The following SLC4A10 variants were observed in gnomAD, a reference collection of about 807,000 sequenced individuals.
SLC4A10 encodes the protein solute carrier family 4 member 10.
Under a neutral mutation model 137.7 loss-of-function variants are expected in SLC4A10, and 42 were observed. That is an observed-to-expected ratio of 0.30 (90% CI 0.24 to 0.39). SLC4A10 has a LOEUF of 0.39. SLC4A10 is among the 10% of genes least tolerant of loss of function. The probability of loss-of-function intolerance (pLI) is 1.00; values close to 1 mark genes in which losing one functional copy is unlikely to be tolerated. For synonymous variants in SLC4A10, 474 were observed against 464.1 expected, an observed-to-expected ratio of 1.02 and a Z score of -0.27; for missense variants, 925 against 1,355.0, an observed-to-expected ratio of 0.68 and a Z score of 4.98.
Position 161,855,103 on chromosome 2 carries a change from C to T in SLC4A10, c.550C>T (p.His184Tyr). The change falls in exon 5 of 27, where the codon CAT becomes TAT. Residue 184 changes from histidine (H) to tyrosine (Y), a missense_variant. By Grantham distance (83) the His-to-Tyr change is moderately conservative. Around this residue, in one of 11 missense-constraint regions of SLC4A10, gnomAD observed 277 missense variants for 306.1 expected, o/e 0.90. Transcript: ENST00000446997. ...GAATGGAACTGTGTTGCTGGACATG[C>T]ATGCCAACACTTTAGAAGAAATTGC... ...ILNGTVLLDM[H>Y]ANTLEEIADM... 1 of 1,610,678 alleles carries T rather than the reference C, an allele frequency of 6.2e-7. No homozygotes were observed. Among genetic ancestry groups the T allele is most frequent in the South Asian group, 1.1e-5 (1 of 90,442 alleles).
intron 10 of SLC4A10, among the ~76,000 whole-genome samples, chr2:161,891,884 T>C (rs980482650): frequency 6.6e-6 from 1 of 151,998 alleles, no homozygotes; most frequent in Admixed American, 6.6e-5. Flanking sequence ...GCATTCTGGT[T>C]TTTGGAATTT....
At chr2:161,664,433 A>G (rs1448741113) in intron 1 of SLC4A10, among the ~76,000 whole-genome samples, 1 of 152,010 alleles carries the variant, frequency 6.6e-6, no homozygotes, top group Non-Finnish European at 1.5e-5. Flanking sequence ...AATGGTTTTT[A>G]GAATTTGTAA....
At chr2:161,697,452 G>A (rs2042649330) in intron 1 of SLC4A10, among the ~76,000 whole-genome samples, 1 of 152,020 alleles carries the variant, frequency 6.6e-6, no homozygotes, top group Non-Finnish European at 1.5e-5. Flanking sequence ...TAACATGTAA[G>A]TCTTTAATCC....
At chr2:161,660,493 A>G (rs903004467) in intron 1 of SLC4A10, among the ~76,000 whole-genome samples, 3 of 152,218 alleles carry the variant, frequency 2.0e-5, no homozygotes, top group South Asian at 2.1e-4. Flanking sequence ...CCAAAAAATC[A>G]TATATCCTTT....
At chr2:161,664,086 A>G (rs953400331) in intron 1 of SLC4A10, among the ~76,000 whole-genome samples, 4 of 151,990 alleles carry the variant, frequency 2.6e-5, no homozygotes, top group African/African-American at 7.2e-5. Context: ...TATTTTTAAT[A>G]GTGGCTGTGG....
chr2:161,690,798 G>C (rs988978880), intron 1 of SLC4A10, among the ~76,000 whole-genome samples: 3 of 152,084 alleles, frequency 2.0e-5, no homozygotes, highest in African/African-American at 7.2e-5. Context: ...GCAGGGTGTT[G>C]GAGGAGGGAC....
At chr2:161,702,916 T>C (rs1515185) in intron 1 of SLC4A10, among the ~76,000 whole-genome samples, 123,518 of 151,670 alleles carry the variant, frequency 0.81, 50,553 homozygotes, top group Middle Eastern at 0.87. Context: ...ATAAGTCTAT[T>C]TGGTTTAATT....
In SLC4A10 at chr2:161,766,723, C is replaced by A. The variant is rs547404649; in HGVS notation, c.49-4250C>A. ...CTCTGGTTTGGGAAAATTATATATA[C>A]CCCATTTTTAGTTTTTTTTTTCTGT... On this transcript the variant is annotated intron_variant, in intron 1 of 26. Coordinates refer to ENST00000446997, the MANE Select transcript of SLC4A10 (RefSeq NM_001178015.2). Among the ~76,000 whole-genome samples, 494 of 151,822 alleles carry A rather than the reference C, an allele frequency of 3.3e-3. 2 individuals carry two copies. Among genetic ancestry groups the A allele is most frequent in the Non-Finnish European group, 5.2e-3 (355 of 67,920 alleles).
At chr2:161,822,140 C>T (rs775301368) in intron 3 of SLC4A10, among the ~76,000 whole-genome samples, 17 of 152,066 alleles carry the variant, frequency 1.1e-4, no homozygotes, top group African/African-American at 2.2e-4. Flanking sequence ...AGTGAGTAAG[C>T]CTCATGCTTT....
intron 15 of SLC4A10, among the ~76,000 whole-genome samples, chr2:161,938,414 A>G (rs1323847504): frequency 6.6e-6 from 1 of 152,130 alleles, no homozygotes. Flanking sequence ...CACAGTTTGT[A>G]TACAAATGGT....
chr2:161,659,780 A>G (rs1187819802), intron 1 of SLC4A10, among the ~76,000 whole-genome samples: 1 of 152,230 alleles, frequency 6.6e-6, no homozygotes, highest in Non-Finnish European at 1.5e-5. Flanking sequence ...GAATAGCTAT[A>G]TAAAATGCAG....
chr2:161,671,950 C>T (rs1053376090), intron 1 of SLC4A10, among the ~76,000 whole-genome samples: 1 of 152,068 alleles, frequency 6.6e-6, no homozygotes, highest in African/African-American at 2.4e-5. Flanking sequence ...GAGGAAAGAA[C>T]TGTTTTATTT....
chr2:161,898,916 A>C (rs774155261), intron 11 of SLC4A10, among the ~76,000 whole-genome samples: 1 of 152,060 alleles, frequency 6.6e-6, no homozygotes, highest in Non-Finnish European at 1.5e-5. Flanking sequence ...TAGTCCAATC[A>C]TTCTCACTTG....
chr2:161,713,532 T>C (rs2044521808), intron 1 of SLC4A10, among the ~76,000 whole-genome samples: 1 of 151,820 alleles, frequency 6.6e-6, no homozygotes, highest in Middle Eastern at 3.2e-3. Context: ...ACCTCCTGCT[T>C]GTCCGTGATG....
intron 17 of SLC4A10, among the ~76,000 whole-genome samples, 191 bp from the exon 18 acceptor site, chr2:161,948,957 T>G (rs747877549): frequency 6.6e-6 from 1 of 152,080 alleles, no homozygotes; most frequent in Non-Finnish European, 1.5e-5. Context: ...TGTACCAATC[T>G]TAACGACAGT....
chr2:161,896,940 T>G (rs1282362889), intron 11 of SLC4A10, among the ~76,000 whole-genome samples: 1 of 152,076 alleles, frequency 6.6e-6, no homozygotes, highest in African/African-American at 2.4e-5. Flanking sequence ...AGAAAGCGCA[T>G]TACTGTCCTT....
chr2:161,826,516 A>G (rs1300641690), intron 3 of SLC4A10, among the ~76,000 whole-genome samples: 1 of 152,206 alleles, frequency 6.6e-6, no homozygotes. Context: ...TCTAAAAAAT[A>G]GAGTGCTTTT....
intron 9 of SLC4A10, among the ~76,000 whole-genome samples, chr2:161,880,056 G>A (rs1017527416): frequency 7.2e-5 from 11 of 152,030 alleles, no homozygotes; most frequent in African/African-American, 2.7e-4. Context: ...TAATTTCCAA[G>A]CAATTTACCC....
chr2:161,766,927 C>A (rs1197522772), intron 1 of SLC4A10, among the ~76,000 whole-genome samples: 1 of 150,500 alleles, frequency 6.6e-6, no homozygotes, highest in Non-Finnish European at 1.5e-5. Context: ...GATATAAGAC[C>A]ACAGGCTAAA....
Sources: gnomAD v4.1 joint callset for allele counts (sites outside exome capture counted in the v4.1 genomes callset) on GRCh38, gnomAD v4.1.1 for gene constraint, gnomAD v4.1.1 regional missense constraint, MANE v1.5 for transcripts, NCBI Gene and HGNC (gene_info 2026-07-23, HGNC 2026-07-21) for gene names.